BDP1: variants seen among roughly 807,000 people sequenced by gnomAD.
BDP1 encodes transcription factor TFIIIB component B'' homolog.
In BDP1, 169 loss-of-function variants were observed where a neutral mutation model predicts 266.6. That is an observed-to-expected ratio of 0.63 (90% CI 0.56 to 0.72). BDP1 has a LOEUF of 0.72. BDP1 is among the 30% of genes least tolerant of loss of function. The pLI, the probability that BDP1 is intolerant of heterozygous loss-of-function variation, is 0.00. For missense variants in BDP1, 3,015 were observed against 3,053.8 expected, an observed-to-expected ratio of 0.99 and a Z score of 0.30; for synonymous variants, 1,090 against 1,022.4, an observed-to-expected ratio of 1.07 and a Z score of -1.26.
chr5:71,488,532 G>A (rs546140112), intron 9 of BDP1, among the ~76,000 whole-genome samples: 10 of 151,498 alleles, frequency 6.6e-5, no homozygotes, highest in Admixed American at 6.6e-4. Context: ...CAGTTGAAGC[G>A]ATTCTCCTGC....
chr5:71,533,180 C>T (rs1206188850), intron 26 of BDP1, among the ~76,000 whole-genome samples: 2 of 152,178 alleles, frequency 1.3e-5, no homozygotes, highest in Admixed American at 1.3e-4. Context: ...TTCATCCATT[C>T]ATGAACATTT....
intron 7 of BDP1, among the ~76,000 whole-genome samples, chr5:71,470,897 T>G (rs1762201529): frequency 1.3e-5 from 2 of 151,926 alleles, no homozygotes; most frequent in African/African-American, 4.8e-5. Context: ...AGCCCTTTTT[T>G]TTTTTTTAAA....
rs752375749 is a variant in BDP1, at chr5:71,566,596, A to T, written c.*1711A>T. ...AAACTGTTTTGGGTTTGCAGGCCAGATGGTCTCTGTGGCAGCTACTCAGCT... is the reference window on the plus strand; with the variant it reads ...AAACTGTTTTGGGTTTGCAGGCCAGTTGGTCTCTGTGGCAGCTACTCAGCT... On this transcript the variant is annotated 3_prime_UTR_variant, in exon 39 of 39. Coordinates refer to ENST00000358731, the MANE Select transcript of BDP1 (RefSeq NM_018429.3). The T allele has an allele frequency of 6.6e-6, 1 of 152,114 alleles. No homozygotes were observed. Among genetic ancestry groups the T allele is most frequent in the Non-Finnish European group, 1.5e-5 (1 of 68,024 alleles). 9.4% of individuals were successfully genotyped at this position (152,114 alleles called of 1,614,324 possible).
chr5:71,461,580 C>T (rs1289839034), intron 2 of BDP1, among the ~76,000 whole-genome samples: 1 of 152,102 alleles, frequency 6.6e-6, no homozygotes, highest in Admixed American at 6.6e-5. Flanking sequence ...CGCCACTGCA[C>T]TTTAGCCTGG....
At chr5:71,528,116 C>T (rs774801432) in intron 25 of BDP1, among the ~76,000 whole-genome samples, 8 of 152,018 alleles carry the variant, frequency 5.3e-5, no homozygotes, top group Admixed American at 2.0e-4. Flanking sequence ...CCACTGCACC[C>T]GGCCTCGATC....
intron 8 of BDP1, among the ~76,000 whole-genome samples, chr5:71,484,293 A>G (rs139084937): frequency 1.6e-4 from 25 of 152,260 alleles, no homozygotes; most frequent in African/African-American, 6.0e-4. Context: ...CTGACCACCT[A>G]CTATATGGTA....
At chr5:71,554,396 GTC>G (rs1437526184) in intron 35 of BDP1, among the ~76,000 whole-genome samples, 1 of 151,976 alleles carries the variant, frequency 6.6e-6, no homozygotes, top group Non-Finnish European at 1.5e-5. Context: ...GTTTGTCATT[GTC>G]TCTTGACTCT....
intron 27 of BDP1, among the ~76,000 whole-genome samples, 196 bp downstream of exon 27, chr5:71,539,274 G>A (rs1397870611): frequency 6.6e-6 from 1 of 152,170 alleles, no homozygotes; most frequent in African/African-American, 2.4e-5. Context: ...TGTTTAAGAA[G>A]TATTTGAGCA....
At chr5:71,505,913 G>C (rs935624988) in intron 16 of BDP1, among the ~76,000 whole-genome samples, 1 of 152,104 alleles carries the variant, frequency 6.6e-6, no homozygotes, top group African/African-American at 2.4e-5. Flanking sequence ...TAGGTTTCCT[G>C]AACTACTTTA....
chr5:71,462,196 C>T (rs185876711), intron 3 of BDP1, among the ~76,000 whole-genome samples: 12 of 152,152 alleles, frequency 7.9e-5, no homozygotes, highest in East Asian at 3.9e-4. Context: ...CTCCTTACCT[C>T]GGGTGATCCA....
chr5:71,516,229 G>T lies in BDP1; in HGVS notation c.4818G>T (p.Thr1606=). ...EAKGIIKEGR[T]ILPKDETEKK... ...AAGGCATAATTAAGGAAGGAAGAAC[G>T]ATATTACCAAAAGATGAAACTGAAA... Residue 1606 remains threonine, a synonymous_variant, in exon 21 of 39, where the codon ACG becomes ACT. Transcript: ENST00000358731. 1 of 1,613,204 alleles carries T rather than the reference G, an allele frequency of 6.2e-7. No individual in the cohort carries two copies. Among genetic ancestry groups the T allele is most frequent in the Non-Finnish European group, 8.5e-7 (1 of 1,179,504 alleles).
chr5:71,546,708 A>G (rs1742346267), intron 32 of BDP1, among the ~76,000 whole-genome samples: 1 of 151,846 alleles, frequency 6.6e-6, no homozygotes, highest in Admixed American at 6.6e-5. Flanking sequence ...GTATCTAATA[A>G]GGACAAGGAA....
intron 7 of BDP1, among the ~76,000 whole-genome samples, chr5:71,474,311 G>A (rs1356724505): frequency 6.7e-6 from 1 of 150,050 alleles, no homozygotes; most frequent in Non-Finnish European, 1.5e-5. Context: ...CACTAGAGCT[G>A]TGTCCCACAA....
chr5:71,571,388 A>G (rs1341864743), downstream of BDP1, among the ~76,000 whole-genome samples: 1 of 152,098 alleles, frequency 6.6e-6, no homozygotes, highest in Non-Finnish European at 1.5e-5. Flanking sequence ...AAGTGAACCA[A>G]CCACCCGCCT....
chr5:71,472,455 C>A (rs920760835), intron 7 of BDP1, among the ~76,000 whole-genome samples: 3 of 152,152 alleles, frequency 2.0e-5, no homozygotes, highest in African/African-American at 7.2e-5. Context: ...GAGTGAGACT[C>A]CATCTCAAAA....
At chr5:71,481,688 A>G (rs1762979395) in intron 7 of BDP1, among the ~76,000 whole-genome samples, 1 of 152,218 alleles carries the variant, frequency 6.6e-6, no homozygotes, top group Non-Finnish European at 1.5e-5. Context: ...TCTTTAATCT[A>G]GGACATCCTT....
Position 71,524,189 on chromosome 5 carries a change from G to T in BDP1, c.5638G>T (p.Asp1880Tyr). Residue 1880 changes from aspartate (D) to tyrosine (Y), a missense_variant, in exon 25 of 39, where the codon GAT (aspartate) becomes TAT (tyrosine). Asp to Tyr is a radical substitution (Grantham distance 160). Around this residue, in one of 3 missense-constraint regions of BDP1, gnomAD observed 2,383 missense variants for 2,404.9 expected, o/e 0.99. Coordinates refer to ENST00000358731, the MANE Select transcript of BDP1 (RefSeq NM_018429.3). ...ASQEEDDDAD[D>Y]FESDYEEESY... is the part of the protein sequence containing the mutation. ...CCAGGAAGAAGATGATGATGCTGAC[G>T]ATTTTGAGTCTGACTATGAGGAAGA... 6.2e-7 allele frequency: 1 copy of T among 1,614,194 alleles called. No individual in the cohort carries two copies. The highest frequency in any genetic ancestry group is 8.5e-7 in the Non-Finnish European group (1 of 1,180,046).
At chr5:71,524,787 C>G (rs188751536) in intron 25 of BDP1, among the ~76,000 whole-genome samples, 4 of 149,390 alleles carry the variant, frequency 2.7e-5, no homozygotes, top group Non-Finnish European at 5.9e-5. Context: ...TGCGGCCTTC[C>G]GCAGTGTTTG....
chr5:71,486,030 T>C (rs980911903), intron 8 of BDP1, among the ~76,000 whole-genome samples: 1 of 152,180 alleles, frequency 6.6e-6, no homozygotes, highest in Admixed American at 6.5e-5. Flanking sequence ...AGGCAACCAC[T>C]ATTTTCATTT....
Sources: gnomAD v4.1 joint callset for allele counts (sites outside exome capture counted in the v4.1 genomes callset) on GRCh38, gnomAD v4.1.1 for gene constraint, gnomAD v4.1.1 regional missense constraint, MANE v1.5 for transcripts, NCBI Gene and HGNC (gene_info 2026-07-23, HGNC 2026-07-21) for gene names.